CSMD1: variants seen among roughly 807,000 people sequenced by gnomAD.
The protein encoded by CSMD1 is CUB and sushi domain-containing protein 1.
CSMD1 carries 213 observed loss-of-function variants against 417.5 expected under a neutral mutation model. The ratio of observed to expected loss-of-function variants is 0.51; its 90% CI spans 0.46 to 0.57. The LOEUF (loss-of-function observed/expected upper bound fraction) is 0.57. Among genes scored for constraint, CSMD1 ranks in the 20% least tolerant of loss-of-function variants. The probability of loss-of-function intolerance (pLI) is 0.00; values close to 1 mark genes in which losing one functional copy is unlikely to be tolerated. For synonymous variants in CSMD1, 2,862 were observed against 1,736.8 expected (o/e 1.65, Z -16.11); for missense variants, 6,923 against 4,529.7 (o/e 1.53, Z -15.17).
At chr8:3,217,968 A>C (rs1350620944) in intron 29 of CSMD1, among the ~76,000 whole-genome samples, 3 of 152,208 alleles carry the variant, frequency 2.0e-5, no homozygotes, top group Non-Finnish European at 2.9e-5. Flanking sequence ...CCTCTTCCCT[A>C]ATTCTTTGTA....
chr8:4,910,720 G>C (rs1456689785), intron 1 of CSMD1, among the ~76,000 whole-genome samples: 4 of 152,264 alleles, frequency 2.6e-5, no homozygotes, highest in Admixed American at 2.0e-4. Flanking sequence ...TTCTTTGTAA[G>C]TGTTAAAAAA....
At chr8:4,791,105 C>T (rs192502533) in intron 1 of CSMD1, among the ~76,000 whole-genome samples, 45 of 151,804 alleles carry the variant, frequency 3.0e-4, no homozygotes, top group Admixed American at 2.1e-3. Flanking sequence ...TGAGAAGAGA[C>T]GGGGAGAAGA....
intron 3 of CSMD1, among the ~76,000 whole-genome samples, chr8:4,377,212 G>A (rs990602824): frequency 2.6e-5 from 4 of 152,122 alleles, no homozygotes; most frequent in African/African-American, 7.2e-5. Context: ...GGCTGAGAGC[G>A]CAAAAGAGGA....
chr8:3,074,484 C>T (rs932042391), intron 49 of CSMD1, among the ~76,000 whole-genome samples: 1 of 152,214 alleles, frequency 6.6e-6, no homozygotes, highest in African/African-American at 2.4e-5. Flanking sequence ...AACATAGAAG[C>T]TTCCAGAAGC....
intron 3 of CSMD1, among the ~76,000 whole-genome samples, 186 bp from the exon 4 acceptor site, chr8:4,032,285 T>C (rs937583132): frequency 1.3e-5 from 2 of 152,242 alleles, no homozygotes; most frequent in African/African-American, 4.8e-5. Flanking sequence ...ATCTGCAGTA[T>C]AACACTTTTA....
At chr8:4,791,993 G>T (rs192886482) in intron 1 of CSMD1, among the ~76,000 whole-genome samples, 2 of 151,878 alleles carry the variant, frequency 1.3e-5, no homozygotes. Context: ...TTTATAGTGT[G>T]TGTCTCAAAG....
chr8:4,257,655 C>T (rs933235329), intron 3 of CSMD1, among the ~76,000 whole-genome samples: 6 of 152,162 alleles, frequency 3.9e-5, no homozygotes, highest in African/African-American at 1.4e-4. Flanking sequence ...ACATTGGTTA[C>T]AGCATAGGTC....
At chr8:4,228,737 G>T (rs184984742) in intron 3 of CSMD1, among the ~76,000 whole-genome samples, 41 of 152,188 alleles carry the variant, frequency 2.7e-4, no homozygotes, top group Non-Finnish European at 5.0e-4. Flanking sequence ...AGGCTGGAGT[G>T]CAGTGGTGGG....
At chr8:3,698,781 T>A (rs191367417) in intron 7 of CSMD1, among the ~76,000 whole-genome samples, 1 of 152,210 alleles carries the variant, frequency 6.6e-6, no homozygotes, top group African/African-American at 2.4e-5. Context: ...ACTAATAGAG[T>A]GAAAATGTAT....
intron 4 of CSMD1, among the ~76,000 whole-genome samples, chr8:4,001,463 G>C (rs1045063243): frequency 1.3e-5 from 2 of 152,070 alleles, no homozygotes; most frequent in African/African-American, 4.8e-5. Flanking sequence ...GGTAAAAGAG[G>C]GTTCTTTTTT....
intron 3 of CSMD1, among the ~76,000 whole-genome samples, chr8:4,066,281 C>G (rs1314994856): frequency 2.6e-5 from 4 of 152,180 alleles, no homozygotes; most frequent in African/African-American, 9.7e-5. Flanking sequence ...CCTTCTTTCT[C>G]TGTACGACCT....
intron 10 of CSMD1, among the ~76,000 whole-genome samples, chr8:3,549,551 G>A (rs1250995982): frequency 6.6e-6 from 1 of 152,220 alleles, no homozygotes; most frequent in Non-Finnish European, 1.5e-5. Context: ...ATTCATGGAT[G>A]AATGGATTAA....
intron 26 of CSMD1, among the ~76,000 whole-genome samples, chr8:3,267,239 T>G (rs892124474): frequency 1.3e-5 from 2 of 152,120 alleles, no homozygotes; most frequent in African/African-American, 4.8e-5. Context: ...ACTGCTAGCT[T>G]GCATGACCGT....
chr8:3,997,888 C>G lies in CSMD1; in HGVS notation c.818+15G>C, dbSNP rs933123399. ...CACACCTGTATCCTTTGTGGCATCT[C>G]TTCCCGGGACTTACCATATGGATGG... is the stretch of plus-strand genomic sequence containing the variant. On this transcript the variant is annotated intron_variant, in intron 5 of 69. Transcript: ENST00000635120. 1.9e-6 allele frequency: 3 copies of G among 1,606,132 alleles called. No homozygotes were observed. The highest frequency in any genetic ancestry group is 2.6e-6 in the Non-Finnish European group (3 of 1,175,524).
intron 2 of CSMD1, among the ~76,000 whole-genome samples, chr8:4,467,112 T>G (rs1286950915): frequency 2.1e-5 from 3 of 142,246 alleles, no homozygotes; most frequent in Admixed American, 1.4e-4. Context: ...TTGCTCTAGA[T>G]TCTTCAGAGT....
At chr8:4,497,473 A>G (rs1802036852) in intron 2 of CSMD1, among the ~76,000 whole-genome samples, 1 of 152,192 alleles carries the variant, frequency 6.6e-6, no homozygotes, top group Admixed American at 6.5e-5. Flanking sequence ...TGTGTTTCAC[A>G]GTTATAACCT....
At chr8:4,691,162 G>C (rs1056272162) in intron 1 of CSMD1, among the ~76,000 whole-genome samples, 2 of 152,198 alleles carry the variant, frequency 1.3e-5, no homozygotes, top group African/African-American at 2.4e-5. Flanking sequence ...GGAAGTGAAG[G>C]AATCAAAGAA....
chr8:3,840,693 A>ATTTTTTT (rs34360211), intron 5 of CSMD1, among the ~76,000 whole-genome samples: 45 of 134,812 alleles, frequency 3.3e-4, no homozygotes, highest in African/African-American at 1.2e-3. Flanking sequence ...CTTTTTTTTA[A>ATTTTTTT]TTTTTTTTTT....
chr8:4,694,358 TTTTA>T (rs1431903130), intron 1 of CSMD1, among the ~76,000 whole-genome samples: 1 of 152,100 alleles, frequency 6.6e-6, no homozygotes, highest in Non-Finnish European at 1.5e-5. Flanking sequence ...TTTTTATTTT[TTTTA>T]TTTTTTTGAG....
Sources: gnomAD v4.1 joint callset for allele counts (sites outside exome capture counted in the v4.1 genomes callset) on GRCh38, gnomAD v4.1.1 for gene constraint, MANE v1.5 for transcripts, NCBI Gene and HGNC (gene_info 2026-07-23, HGNC 2026-07-21) for gene names.